SPATA13: variants seen among roughly 807,000 people sequenced by gnomAD.
SPATA13 encodes the protein spermatogenesis associated 13.
SPATA13 carries 50 observed loss-of-function variants against 104.0 expected under a neutral mutation model. The ratio of observed to expected loss-of-function variants is 0.48; its 90% CI spans 0.38 to 0.61. The LOEUF (loss-of-function observed/expected upper bound fraction) is 0.61. SPATA13 is among the 20% of genes least tolerant of loss of function. The probability of loss-of-function intolerance (pLI) is 0.00; values close to 1 mark genes in which losing one functional copy is unlikely to be tolerated. For synonymous variants in SPATA13, 606 were observed against 667.5 expected, an observed-to-expected ratio of 0.91 and a Z score of 1.42; for missense variants, 1,524 against 1,690.6, an observed-to-expected ratio of 0.90 and a Z score of 1.73.
At chr13:24,260,554 A>G (rs1400271508) in intron 4 of SPATA13, among the ~76,000 whole-genome samples, 1 of 152,254 alleles carries the variant, frequency 6.6e-6, no homozygotes, top group Non-Finnish European at 1.5e-5. Flanking sequence ...AAGCAAATAA[A>G]ATGTGAATAT....
chr13:24,299,302 C>T (rs905793583), intron 11 of SPATA13, among the ~76,000 whole-genome samples: 1 of 152,228 alleles, frequency 6.6e-6, no homozygotes, highest in Non-Finnish European at 1.5e-5. Context: ...CCATGTAATG[C>T]TCCCTGTGGC....
intron 3 of SPATA13, among the ~76,000 whole-genome samples, chr13:24,064,556 C>G (rs1185948539): frequency 6.6e-6 from 1 of 152,090 alleles, no homozygotes; most frequent in Non-Finnish European, 1.5e-5. Context: ...GCCCTTATTG[C>G]CATGTGAGAA....
At chr13:24,239,086 A>C (rs1872710081) in intron 2 of SPATA13, among the ~76,000 whole-genome samples, 1 of 152,224 alleles carries the variant, frequency 6.6e-6, no homozygotes. Flanking sequence ...AATTAATAAA[A>C]GTATAGAAGC....
intron 3 of SPATA13, chr13:24,034,548 A>G (rs1459752645): frequency 6.6e-6 from 1 of 152,226 alleles, no homozygotes; most frequent in African/African-American, 2.4e-5. Context: ...AACAAACCAG[A>G]CAACGCTTAA....
intron 3 of SPATA13, among the ~76,000 whole-genome samples, chr13:24,119,017 T>C (rs1022370103): frequency 6.6e-6 from 1 of 152,090 alleles, no homozygotes; most frequent in Non-Finnish European, 1.5e-5. Context: ...GTGATTCTCC[T>C]TCCTCAGCCT....
chr13:24,139,967 C>G (rs9511083), intron 3 of SPATA13, among the ~76,000 whole-genome samples: 1 of 151,488 alleles, frequency 6.6e-6, no homozygotes, highest in African/African-American at 2.4e-5. Context: ...ACTCGGGAGG[C>G]TGAGGCAGGA....
At chr13:24,041,905 G>T (rs1172791742) in intron 3 of SPATA13, among the ~76,000 whole-genome samples, 1 of 152,214 alleles carries the variant, frequency 6.6e-6, no homozygotes, top group East Asian at 1.9e-4. Flanking sequence ...AGAGTGAGGC[G>T]TAACGGTCAA....
intron 2 of SPATA13, among the ~76,000 whole-genome samples, chr13:24,245,245 G>C (rs191117139): frequency 6.6e-6 from 1 of 151,500 alleles, no homozygotes; most frequent in East Asian, 1.9e-4. Context: ...TCCCTGGAAT[G>C]AACCTGGGTG....
chr13:24,161,074 C>A lies in SPATA13; in HGVS notation c.-112+142C>A. The A allele has an allele frequency of 8.8e-6, 4 of 453,556 alleles. No individual in the cohort carries two copies. The highest frequency in any genetic ancestry group is 1.2e-5 in the Non-Finnish European group (4 of 343,344). The allele number at this position is 453,556 out of a possible 1,614,324, so 28.1% of individuals were successfully genotyped here. On this transcript the variant is annotated intron_variant, in intron 1 of 12. Transcript: ENST00000382108. This position sits in a 1 kb window ranked among gnomAD's most constrained non-coding sequence, Gnocchi z 4.5. ...TCCCAGCTGCTTGGCCTCTGCTTCC[C>A]CCGCCGGTGGAGGCTACCGGGTGCT...
At chr13:24,175,915 A>G (rs773002377) in intron 1 of SPATA13, among the ~76,000 whole-genome samples, 11 of 152,360 alleles carry the variant, frequency 7.2e-5, no homozygotes, top group South Asian at 2.1e-4. Flanking sequence ...GTTGCAAATA[A>G]TGCAGCTTAA....
chr13:24,071,170 A>T (rs1033479320), intron 3 of SPATA13, among the ~76,000 whole-genome samples: 1 of 152,098 alleles, frequency 6.6e-6, no homozygotes, highest in African/African-American at 2.4e-5. Context: ...TTGAATGATG[A>T]GATATGATTC....
chr13:24,096,245 AATAAATAT>A (rs1176010387), intron 3 of SPATA13, among the ~76,000 whole-genome samples: 3 of 152,210 alleles, frequency 2.0e-5, no homozygotes, highest in Non-Finnish European at 4.4e-5. Flanking sequence ...ATCAACATTA[AATAAATAT>A]ATAAAGTTAT....
intron 4 of SPATA13, among the ~76,000 whole-genome samples, chr13:24,270,128 G>A (rs1269391190): frequency 6.6e-6 from 1 of 152,074 alleles, no homozygotes; most frequent in Non-Finnish European, 1.5e-5. Flanking sequence ...ATGGGGAAAT[G>A]GAAGGAAGCT....
intron 3 of SPATA13, among the ~76,000 whole-genome samples, chr13:24,137,715 TGCTAATGCACTCCA>T (rs1881619822): frequency 6.6e-6 from 1 of 152,126 alleles, no homozygotes; most frequent in African/African-American, 2.4e-5. Context: ...GCCAAGATCA[TGCTAATGCACTCCA>T]GCCTGGGAGT....
chr13:23,983,923 T>C (rs1165782013), exon 2 of SPATA13: 1 of 985,374 alleles, frequency 1.0e-6, no homozygotes, highest in Non-Finnish European at 1.2e-6. Context: ...ACAAACATCC[T>C]GGCCGTGAAG....
chr13:24,114,785 C>A (rs9634393), intron 3 of SPATA13, among the ~76,000 whole-genome samples: 22,369 of 152,016 alleles, frequency 0.15, 2,396 homozygotes, highest in East Asian at 0.31. Context: ...GTCTCAGCCT[C>A]CCGAGTAGCT....
intron 4 of SPATA13, among the ~76,000 whole-genome samples, chr13:24,267,932 G>A (rs1874370242): frequency 6.6e-6 from 1 of 152,222 alleles, no homozygotes; most frequent in African/African-American, 2.4e-5. Context: ...AATAACCTGG[G>A]ATGTTGTTAA....
chr13:23,981,700 A>G (rs1236303596), intron 1 of SPATA13, among the ~76,000 whole-genome samples: 1 of 152,218 alleles, frequency 6.6e-6, no homozygotes. Flanking sequence ...TCCAGCACTC[A>G]GAGAAGTGCG....
chr13:24,243,140 G>A (rs989179390), intron 2 of SPATA13, among the ~76,000 whole-genome samples: 6 of 152,160 alleles, frequency 3.9e-5, no homozygotes, highest in Non-Finnish European at 7.3e-5. Context: ...ATTATACAAT[G>A]GGTTTTTCTG....
Sources: gnomAD v4.1 joint callset for allele counts (sites outside exome capture counted in the v4.1 genomes callset) on GRCh38, gnomAD v4.1.1 for gene constraint, Gnocchi (gnomAD v3.1) non-coding constraint, MANE v1.5 for transcripts, NCBI Gene and HGNC (gene_info 2026-07-23, HGNC 2026-07-21) for gene names.